SHC3: variants seen among roughly 807,000 people sequenced by gnomAD.
SHC3 encodes SHC adaptor protein 3.
Under a neutral mutation model 60.4 loss-of-function variants are expected in SHC3, and 15 were observed. The observed-to-expected ratio is 0.25, with a 90% CI of 0.17 to 0.38. The LOEUF (loss-of-function observed/expected upper bound fraction) is 0.38, where lower values mean the gene tolerates loss of function less well. Among genes scored for constraint, SHC3 ranks in the 10% least tolerant of loss-of-function variants. SHC3 has a pLI of 1.00. For missense variants in SHC3, 677 were observed against 786.1 expected (o/e 0.86, Z 1.66); for synonymous variants, 294 against 325.9 (o/e 0.90, Z 1.05).
chr9:89,175,207 G>C (rs1332055735), intron 1 of SHC3, among the ~76,000 whole-genome samples: 1 of 152,130 alleles, frequency 6.6e-6, no homozygotes, highest in African/African-American at 2.4e-5. Flanking sequence ...AGATACTTAG[G>C]GGAGTAAAAA....
At position 89,012,191 on chromosome 9, in the gene SHC3, T is replaced by C. The variant is rs1826021737; in HGVS notation, c.*1256A>G. On this transcript the variant is annotated 3_prime_UTR_variant, in exon 12 of 12. Coordinates refer to ENST00000375835, the MANE Select transcript of SHC3 (RefSeq NM_016848.6). ...AATCACAGGGCAATCTCAGCCCAGA[T>C]AGTATTTGAAAGGTATAAACATTGC... is the stretch of plus-strand genomic sequence containing the variant. The C allele has an allele frequency of 6.6e-6, 1 of 152,230 alleles. No individual in the cohort carries two copies. The highest frequency in any genetic ancestry group is 2.1e-4 in the South Asian group (1 of 4,832). 9.4% of individuals were successfully genotyped at this position (152,230 alleles called of 1,614,324 possible).
At chr9:89,092,082 G>T (rs879903403) in intron 2 of SHC3, among the ~76,000 whole-genome samples, 1 of 152,156 alleles carries the variant, frequency 6.6e-6, no homozygotes, top group Non-Finnish European at 1.5e-5. Flanking sequence ...GATAAAACTG[G>T]TTGATAGCAA....
chr9:89,139,316 A>G (rs1162633965), intron 1 of SHC3, among the ~76,000 whole-genome samples: 4 of 152,250 alleles, frequency 2.6e-5, no homozygotes, highest in Admixed American at 2.6e-4. Context: ...TAGTTCTTGA[A>G]ACATAATCTT....
chr9:89,091,789 G>A (rs1180238088), intron 2 of SHC3, among the ~76,000 whole-genome samples: 1 of 152,106 alleles, frequency 6.6e-6, no homozygotes, highest in Admixed American at 6.6e-5. Flanking sequence ...GCCAGCCCCT[G>A]GAGACCTCTA....
At chr9:89,119,160 G>A (rs1826057055) in intron 1 of SHC3, among the ~76,000 whole-genome samples, 2 of 152,038 alleles carry the variant, frequency 1.3e-5, no homozygotes, top group Admixed American at 1.3e-4. Context: ...ATATATGTGT[G>A]TAAAAAATTA....
At chr9:89,020,293 G>T (rs1408444293) in intron 11 of SHC3, among the ~76,000 whole-genome samples, 2 of 151,880 alleles carry the variant, frequency 1.3e-5, no homozygotes, top group Non-Finnish European at 2.9e-5. Flanking sequence ...GAAGGGTGGG[G>T]GTGAGAGGTG....
At chr9:89,107,255 C>T (rs769106907) in intron 2 of SHC3, among the ~76,000 whole-genome samples, 6 of 152,202 alleles carry the variant, frequency 3.9e-5, no homozygotes, top group Non-Finnish European at 8.8e-5. Flanking sequence ...CGCAAGGACC[C>T]TCTTCCATGT....
At chr9:89,043,281 C>T (rs2117895558) in intron 9 of SHC3, among the ~76,000 whole-genome samples, 1 of 152,314 alleles carries the variant, frequency 6.6e-6, no homozygotes, top group East Asian at 1.9e-4. Flanking sequence ...TGGGGAGCAC[C>T]ACCTGCAACA....
At chr9:89,163,312 T>C (rs1209733417) in intron 1 of SHC3, among the ~76,000 whole-genome samples, 2 of 152,154 alleles carry the variant, frequency 1.3e-5, no homozygotes, top group African/African-American at 2.4e-5. Flanking sequence ...TATTGCGGCA[T>C]TGTTCACAAT....
chr9:89,104,594 G>A (rs1272339468), intron 2 of SHC3, among the ~76,000 whole-genome samples: 1 of 152,202 alleles, frequency 6.6e-6, no homozygotes, highest in Non-Finnish European at 1.5e-5. Context: ...AATTTGTGCT[G>A]CAGCGGAGCC....
chr9:89,035,851 ATGTGTGTGTG>A (rs34601277), intron 11 of SHC3, among the ~76,000 whole-genome samples: 2,656 of 128,530 alleles, frequency 0.021, 81 homozygotes, highest in South Asian at 0.031. Context: ...ATATATATAG[ATGTGTGTGTG>A]TGTGTGTGTG....
intron 10 of SHC3, 92 bp from the exon 11 acceptor site, chr9:89,038,380 A>G: frequency 7.3e-7 from 1 of 1,373,198 alleles, no homozygotes; most frequent in Admixed American, 2.6e-5. Flanking sequence ...GAGAGATGGA[A>G]ATGCAAAGGC....
intron 2 of SHC3, among the ~76,000 whole-genome samples, chr9:89,100,470 C>G (rs1313691697): frequency 1.3e-5 from 2 of 152,098 alleles, no homozygotes; most frequent in Non-Finnish European, 2.9e-5. Context: ...AACTCCCGGC[C>G]TCAAGTGATC....
rs1237201279 is a variant in SHC3 at position 89,178,227 on chromosome 9, G to C, written c.234C>G (p.Ser78Arg). 4.0e-6 allele frequency: 6 copies of C among 1,495,376 alleles called. No individual in the cohort carries two copies. The highest frequency in any genetic ancestry group is 4.4e-6 in the Non-Finnish European group (5 of 1,124,566). 92.6% of individuals were successfully genotyped at this position (1,495,376 alleles called of 1,614,324 possible). Reference protein sequence around the residue: ...LHKVSHLKLSSSGLRGLSSAA... With the variant: ...LHKVSHLKLSRSGLRGLSSAA... ...CCGACGACAGGCCGCGGAGGCCCGA[G>C]CTGGAGAGTTTCAGGTGGGACACCT... The change falls in exon 1 of 12, where the codon AGC (serine) becomes AGG (arginine). Residue 78 changes from serine to arginine, a missense_variant. By Grantham distance (110) the Ser-to-Arg change is moderately radical. Coordinates refer to ENST00000375835, the MANE Select transcript of SHC3 (RefSeq NM_016848.6). The surrounding 1 kb of genome is among the most constrained non-coding windows in gnomAD (Gnocchi z 6.9).
chr9:89,069,993 C>T (rs1285189069), intron 5 of SHC3, among the ~76,000 whole-genome samples: 2 of 152,158 alleles, frequency 1.3e-5, no homozygotes, highest in African/African-American at 4.8e-5. Context: ...GCTAGTAAAA[C>T]ACAGGGTCCT....
At chr9:89,078,541 C>T (rs929283266) in intron 2 of SHC3, among the ~76,000 whole-genome samples, 20 of 152,024 alleles carry the variant, frequency 1.3e-4, no homozygotes, top group East Asian at 1.9e-4. Context: ...GCATGGGTCC[C>T]GGTGGAGGAG....
At chr9:89,035,680 G>A (rs1009208448) in intron 11 of SHC3, among the ~76,000 whole-genome samples, 2 of 151,902 alleles carry the variant, frequency 1.3e-5, no homozygotes, top group African/African-American at 4.8e-5. Context: ...GCCTCGGCCA[G>A]GTGTGGTGGC....
intron 1 of SHC3, among the ~76,000 whole-genome samples, chr9:89,148,368 A>G (rs996060033): frequency 2.0e-5 from 3 of 152,254 alleles, no homozygotes; most frequent in South Asian, 2.1e-4. Context: ...TAAAAAGTGC[A>G]TTCTATTTAT....
intron 2 of SHC3, among the ~76,000 whole-genome samples, chr9:89,081,123 A>G (rs1825438378): frequency 6.6e-6 from 1 of 152,228 alleles, no homozygotes; most frequent in African/African-American, 2.4e-5. Context: ...TCCAGAAGCC[A>G]TAAAAGAAAA....
Sources: allele counts gnomAD v4.1 joint callset (sites outside exome capture counted in the v4.1 genomes callset), GRCh38; gene constraint gnomAD v4.1.1; non-coding constraint Gnocchi (gnomAD v3.1); transcripts MANE v1.5; gene names NCBI Gene and HGNC (gene_info 2026-07-23, HGNC 2026-07-21).